The following SP140L variants were observed in gnomAD, a reference collection of about 807,000 sequenced individuals.
SP140L encodes SP140 like nuclear body protein, also known as nuclear body protein SP140-like protein.
A neutral mutation model predicts 84.3 loss-of-function variants in SP140L; 64 were observed. That is an observed-to-expected ratio of 0.76 (90% CI 0.62 to 0.94). The LOEUF is 0.94. SP140L is among the 40% of genes least tolerant of loss of function. SP140L has a pLI of 0.00. For synonymous variants in SP140L, 242 were observed against 236.9 expected (o/e 1.02, Z -0.20); for missense variants, 628 against 692.5 (o/e 0.91, Z 1.05).
At chr2:230,332,103 A>G (rs974128139) in intron 2 of SP140L, among the ~76,000 whole-genome samples, 2 of 152,176 alleles carry the variant, frequency 1.3e-5, no homozygotes, top group African/African-American at 4.8e-5. Flanking sequence ...TTTTATCAAG[A>G]TAAGGACATT....
intron 2 of SP140L, among the ~76,000 whole-genome samples, chr2:230,344,330 G>A (rs113820433): frequency 5.3e-5 from 8 of 152,070 alleles, no homozygotes; most frequent in Non-Finnish European, 1.0e-4. Flanking sequence ...CAGAAACTAG[G>A]ATCAAAACTC....
At chr2:230,393,186 A>G (rs1034155890) in intron 12 of SP140L, among the ~76,000 whole-genome samples, 2 of 152,222 alleles carry the variant, frequency 1.3e-5, no homozygotes, top group Admixed American at 6.5e-5. Context: ...GACTTAGGAA[A>G]GAAGCACAAG....
chr2:230,389,823 C>T, intron 10 of SP140L, 96 bp from the exon 11 acceptor site: 1 of 1,190,342 alleles, frequency 8.4e-7, no homozygotes, highest in Non-Finnish European at 1.2e-6. Flanking sequence ...ATAGAATTTC[C>T]TAAGTACTCT....
At chr2:230,370,493 A>G (rs1477187660) in intron 5 of SP140L, among the ~76,000 whole-genome samples, 3 of 152,362 alleles carry the variant, frequency 2.0e-5, no homozygotes, top group Non-Finnish European at 2.9e-5. Context: ...TAACTGGAAG[A>G]TAATAAAATA....
At chr2:230,353,439 G>T (rs2060427053) in intron 2 of SP140L, among the ~76,000 whole-genome samples, 1 of 151,688 alleles carries the variant, frequency 6.6e-6, no homozygotes, top group Non-Finnish European at 1.5e-5. Flanking sequence ...GTCCATTTTT[G>T]GTATATGGAA....
At chr2:230,328,666 C>A (rs949967264) in intron 1 of SP140L, 91 bp from the exon 2 acceptor site, 2 of 1,484,840 alleles carry the variant, frequency 1.3e-6, no homozygotes, top group Non-Finnish European at 1.8e-6. Context: ...GCAAGTATTT[C>A]TCTTGTGCCT....
intron 7 of SP140L, among the ~76,000 whole-genome samples, chr2:230,378,933 CT>C (rs1195941131): frequency 6.6e-6 from 1 of 152,130 alleles, no homozygotes; most frequent in African/African-American, 2.4e-5. Flanking sequence ...TGTTCATTTT[CT>C]TTAAATATGT....
intron 2 of SP140L, among the ~76,000 whole-genome samples, chr2:230,357,432 A>G (rs886672855): frequency 2.0e-5 from 3 of 152,056 alleles, no homozygotes; most frequent in African/African-American, 7.2e-5. Context: ...TTAGATTTTT[A>G]TTTATATTCC....
At chr2:230,342,782 C>T (rs956993506) in intron 2 of SP140L, among the ~76,000 whole-genome samples, 6 of 152,042 alleles carry the variant, frequency 3.9e-5, no homozygotes, top group African/African-American at 1.5e-4. Context: ...TCTCTTATTT[C>T]CCTTGGTTAG....
chr2:230,380,519 T>C (rs1412159011), intron 7 of SP140L, among the ~76,000 whole-genome samples: 2 of 152,180 alleles, frequency 1.3e-5, no homozygotes, highest in Admixed American at 1.3e-4. Flanking sequence ...GCACAAGTAT[T>C]AAGAGTACCA....
intron 2 of SP140L, among the ~76,000 whole-genome samples, chr2:230,333,246 C>T (rs1014355493): frequency 6.6e-5 from 10 of 151,854 alleles, no homozygotes; most frequent in Non-Finnish European, 1.3e-4. Flanking sequence ...GCAACCTCCA[C>T]CTCCCAGGTT....
intron 1 of SP140L, among the ~76,000 whole-genome samples, chr2:230,328,200 A>C (rs1202468409): frequency 2.0e-5 from 3 of 152,226 alleles, no homozygotes; most frequent in African/African-American, 7.2e-5. Context: ...AAAGAAATAC[A>C]TTACATTCTT....
intron 13 of SP140L, among the ~76,000 whole-genome samples, chr2:230,394,560 G>C (rs962950650): frequency 6.6e-6 from 1 of 152,206 alleles, no homozygotes; most frequent in African/African-American, 2.4e-5. Flanking sequence ...GTACACTAAA[G>C]ACCAGCAACT....
chr2:230,328,606 A>G lies in SP140L; in HGVS notation c.33-151A>G. 2.9e-6 allele frequency: 3 copies of G among 1,033,866 alleles called. No homozygotes were observed. The South Asian group carries it at 6.8e-5, about 23-fold the overall frequency. 64.0% of individuals were successfully genotyped at this position (1,033,866 alleles called of 1,614,324 possible). On this transcript the variant is annotated intron_variant, in intron 1 of 18. Transcript: ENST00000415673. The stretch of plus-strand genomic sequence containing the variant: ...AGATTGTTTTAAATTGTTCACGTTT[A>G]TCAATAAGCTATAATAATGATTATA...
intron 9 of SP140L, among the ~76,000 whole-genome samples, chr2:230,386,074 G>A (rs1226297545): frequency 2.0e-5 from 3 of 152,160 alleles, no homozygotes; most frequent in African/African-American, 2.4e-5. Flanking sequence ...GGGAAGGGGA[G>A]GGGTCAGGCA....
At chr2:230,346,140 T>C (rs1442905421) in intron 2 of SP140L, among the ~76,000 whole-genome samples, 1 of 152,184 alleles carries the variant, frequency 6.6e-6, no homozygotes, top group African/African-American at 2.4e-5. Flanking sequence ...GATAGATAGA[T>C]TTACCAAGTG....
At chr2:230,399,985 A>G (rs2062236592) in intron 14 of SP140L, 142 bp from the exon 15 acceptor site, 2 of 741,092 alleles carry the variant, frequency 2.7e-6, no homozygotes, top group East Asian at 5.3e-5. Context: ...TCTCCATGCC[A>G]TATTTTTCCT....
In SP140L at chr2:230,400,712, G is replaced by A. The variant is rs1393843500; in HGVS notation, c.1314-243G>A. 13 of 863,916 alleles carry A rather than the reference G, an allele frequency of 1.5e-5. No individual in the cohort carries two copies. In the East Asian group the frequency reaches 3.4e-4, roughly 22 times the overall value. The allele number at this position is 863,916 out of a possible 1,614,324, so 53.5% of individuals were successfully genotyped here. On this transcript the variant is annotated intron_variant, in intron 15 of 18. Coordinates refer to ENST00000415673, the MANE Select transcript of SP140L (RefSeq NM_138402.6). Reference sequence around the variant, plus strand: ...GCTCCCAGCAGCTCAGACAGGGAAAGGATAGTCCCCACTCACGGTGACACC... The same window carrying A: ...GCTCCCAGCAGCTCAGACAGGGAAAAGATAGTCCCCACTCACGGTGACACC...
At chr2:230,359,181 C>A (rs867716845) in intron 4 of SP140L, 49 bp downstream of exon 4, 11 of 1,535,866 alleles carry the variant, frequency 7.2e-6, no homozygotes, top group Admixed American at 3.6e-5. Context: ...CAATTTTTTT[C>A]AATAAGCATA....
Sources: allele counts gnomAD v4.1 joint callset (sites outside exome capture counted in the v4.1 genomes callset), GRCh38; gene constraint gnomAD v4.1.1; transcripts MANE v1.5; gene names NCBI Gene and HGNC (gene_info 2026-07-23, HGNC 2026-07-21).